Variants in BAZ2B observed in about 807,000 individuals in gnomAD.
BAZ2B encodes bromodomain adjacent to zinc finger domain 2B, also known as bromodomain adjacent to zinc finger domain protein 2B.
A neutral mutation model predicts 246.0 loss-of-function variants in BAZ2B; 91 were observed. The observed-to-expected ratio is 0.37, with a 90% CI of 0.31 to 0.44. The LOEUF is 0.44. BAZ2B is among the 20% of genes least tolerant of loss of function. The pLI is 1.00. For synonymous variants in BAZ2B, 855 were observed against 860.0 expected, an observed-to-expected ratio of 0.99 and a Z score of 0.10; for missense variants, 2,332 against 2,533.7, an observed-to-expected ratio of 0.92 and a Z score of 1.71.
intron 2 of BAZ2B, among the ~76,000 whole-genome samples, chr2:159,523,385 G>C (rs1190912814): frequency 1.3e-5 from 2 of 152,110 alleles, no homozygotes; most frequent in Admixed American, 1.3e-4. Context: ...CTGGGTGACA[G>C]AGCAAGACCC....
At chr2:159,565,814 A>T (rs1367427155) in intron 1 of BAZ2B, among the ~76,000 whole-genome samples, 1 of 151,680 alleles carries the variant, frequency 6.6e-6, no homozygotes, top group Non-Finnish European at 1.5e-5. Flanking sequence ...AAAGAAGAAG[A>T]AAGAAAGCTT....
chr2:159,605,493 G>GT (rs1693273267), intron 1 of BAZ2B, among the ~76,000 whole-genome samples: 1 of 152,054 alleles, frequency 6.6e-6, no homozygotes, highest in African/African-American at 2.4e-5. Context: ...AATGCTACTT[G>GT]GAACAAATAA....
chr2:159,316,347 AGATTC>A (rs533689667), downstream of BAZ2B, among the ~76,000 whole-genome samples: 56 of 152,278 alleles, frequency 3.7e-4, no homozygotes, highest in African/African-American at 1.1e-3. Flanking sequence ...CCAGCAGATA[AGATTC>A]TATTCATTTC....
At chr2:159,665,964 A>G in the BAZ2B span, among the ~76,000 whole-genome samples, 6 of 152,160 alleles carry the variant, frequency 3.9e-5, no homozygotes, top group Non-Finnish European at 7.4e-5. Flanking sequence ...CCTGTTGACT[A>G]ATGATGTTGG....
intron 2 of BAZ2B, among the ~76,000 whole-genome samples, chr2:159,498,208 C>T (rs544465135): frequency 2.0e-5 from 3 of 152,096 alleles, no homozygotes; most frequent in South Asian, 4.1e-4. Flanking sequence ...TTTGTTCTTA[C>T]GTGTTTGGCC....
chr2:159,689,533 G>A, the BAZ2B span: 8 of 229,858 alleles, frequency 3.5e-5, no homozygotes, highest in South Asian at 5.7e-5. Flanking sequence ...CACCACACCC[G>A]GCTTATTTTT....
At chr2:159,600,759 T>TG (rs575366207) in intron 1 of BAZ2B, among the ~76,000 whole-genome samples, 94 of 151,994 alleles carry the variant, frequency 6.2e-4, no homozygotes, top group African/African-American at 2.1e-3. Context: ...TTTAGAATCA[T>TG]GGGGGGCCTA....
intron 1 of BAZ2B, among the ~76,000 whole-genome samples, chr2:159,596,486 C>G (rs183626495): frequency 1.3e-5 from 2 of 152,094 alleles, no homozygotes; most frequent in Admixed American, 1.3e-4. Flanking sequence ...AGAAAAGAAG[C>G]TACCAAACAT....
the BAZ2B span, among the ~76,000 whole-genome samples, chr2:159,622,755 G>GT: frequency 6.6e-6 from 1 of 152,128 alleles, no homozygotes; most frequent in Non-Finnish European, 1.5e-5. Context: ...GCTCATGCCT[G>GT]TAATGCCAGC....
chr2:159,501,122 T>TA (rs1307851755), intron 2 of BAZ2B, among the ~76,000 whole-genome samples: 15 of 47,500 alleles, frequency 3.2e-4, no homozygotes, highest in Non-Finnish European at 6.3e-4. Context: ...AATATATATA[T>TA]AATATATATA....
At position 159,350,357 on chromosome 2, in the gene BAZ2B, C is replaced by A. The variant is rs1309482992; in HGVS notation, c.4214G>T (p.Gly1405Val). Residue 1405 changes from glycine to valine, a missense_variant and splice_region_variant, in exon 28 of 37, where the codon GGA becomes GTA. Physicochemically the swap from Gly to Val is moderately radical, Grantham distance 109 (BLOSUM62 -3). Coordinates refer to ENST00000392783, the MANE Select transcript of BAZ2B (RefSeq NM_013450.4). ...TCTTTCTTTTGCAATTTCTTCTAGT[C>A]CTACAAAATGAAAAAGCATTATGAA... ...IFVEGMESGE[G>V]LEEIAKEREK... The A allele has an allele frequency of 6.6e-7, 1 of 1,526,026 alleles. No individual in the cohort carries two copies. Among genetic ancestry groups the A allele is most frequent in the South Asian group, 1.3e-5 (1 of 78,064 alleles). 94.5% of individuals were successfully genotyped at this position (1,526,026 alleles called of 1,614,324 possible). A position where few individuals can be genotyped will look rare whatever the true frequency, so the allele number is the denominator to read the frequency against.
intron 8 of BAZ2B, among the ~76,000 whole-genome samples, chr2:159,436,964 T>C (rs2150249445): frequency 6.6e-6 from 1 of 152,272 alleles, no homozygotes; most frequent in East Asian, 1.9e-4. Flanking sequence ...CAATAATAGG[T>C]ACTGACAAAG....
chr2:159,333,428 A>G (rs1184927073), intron 33 of BAZ2B, among the ~76,000 whole-genome samples: 1 of 152,160 alleles, frequency 6.6e-6, no homozygotes, highest in East Asian at 1.9e-4. Context: ...AAAGACTTTA[A>G]ATCTGCAAAA....
chr2:159,498,405 A>G, intron 2 of BAZ2B, among the ~76,000 whole-genome samples: 1 of 152,210 alleles, frequency 6.6e-6, no homozygotes, highest in Non-Finnish European at 1.5e-5. Context: ...TCAAGAGTAT[A>G]TTAGGCGATC....
chr2:159,449,993 G>C lies in BAZ2B; in HGVS notation c.335-1584C>G, dbSNP rs116521461. On this transcript the variant is annotated intron_variant, in intron 4 of 36. Transcript: ENST00000392783. ...TGAGATCAGCCTTGGGCAACAGAGA[G>C]AGACCCTGTTGCTATAAAAAATTTT... is the stretch of plus-strand genomic sequence containing the variant. Among the ~76,000 whole-genome samples the C allele has an allele frequency of 4.1e-3, 624 of 152,176 alleles. 4 individuals carry two copies. The highest frequency in any genetic ancestry group is 0.014 in the African/African-American group (596 of 41,514).
Position 159,349,598 on chromosome 2 carries a change from G to A in BAZ2B, c.4863+110C>T, listed in dbSNP as rs2058344792. ...TCTGACTTGTTTTAGTTTTCAAACTGTAGCAGGAATATTTTAACTATCTGA... is the reference window on the plus strand; with the variant it reads ...TCTGACTTGTTTTAGTTTTCAAACTATAGCAGGAATATTTTAACTATCTGA... On this transcript the variant is annotated intron_variant, in intron 28 of 36. Transcript: ENST00000392783. 9 of 1,225,458 alleles carry A rather than the reference G, an allele frequency of 7.3e-6. No individual in the cohort carries two copies. In the South Asian group the frequency reaches 1.3e-4, roughly 18 times the overall value. The allele number at this position is 1,225,458 out of a possible 1,614,324, so 75.9% of individuals were successfully genotyped here.
chr2:159,448,904 T>C (rs1488290610), intron 4 of BAZ2B, among the ~76,000 whole-genome samples: 2 of 152,190 alleles, frequency 1.3e-5, no homozygotes, highest in East Asian at 1.9e-4. Context: ...AGTACATTTA[T>C]GGAAGAAAAC....
chr2:159,406,030 C>A (rs550528744), intron 14 of BAZ2B, among the ~76,000 whole-genome samples: 283 of 152,276 alleles, frequency 1.9e-3, no homozygotes, highest in African/African-American at 6.1e-3. Context: ...ATGTATGAAA[C>A]TAGGGTAGAT....
At chr2:159,500,906 A>T (rs1417331382) in intron 2 of BAZ2B, among the ~76,000 whole-genome samples, 1 of 149,918 alleles carries the variant, frequency 6.7e-6, no homozygotes, top group East Asian at 2.0e-4. Context: ...GTGAGCTGAG[A>T]TTGCGCCACT....
Sources: gnomAD v4.1 joint callset for allele counts (sites outside exome capture counted in the v4.1 genomes callset) on GRCh38, gnomAD v4.1.1 for gene constraint, MANE v1.5 for transcripts, NCBI Gene and HGNC (gene_info 2026-07-23, HGNC 2026-07-21) for gene names.